The following BTRC variants were observed in gnomAD, a reference collection of about 807,000 sequenced individuals.
The protein encoded by BTRC is F-box/WD repeat-containing protein 1A.
A neutral mutation model predicts 85.5 loss-of-function variants in BTRC; 42 were observed. The ratio of observed to expected loss-of-function variants is 0.49; its 90% CI spans 0.38 to 0.64. The LOEUF is 0.64. Ranked by LOEUF, BTRC falls within the 30% of genes least tolerant of loss-of-function variation. BTRC has a pLI of 0.00. For missense variants in BTRC, 594 were observed against 743.5 expected, an observed-to-expected ratio of 0.80 and a Z score of 2.34; for synonymous variants, 255 against 263.3, an observed-to-expected ratio of 0.97 and a Z score of 0.30.
At chr10:101,400,766 G>A (rs1943474697) in intron 1 of BTRC, among the ~76,000 whole-genome samples, 1 of 152,110 alleles carries the variant, frequency 6.6e-6, no homozygotes, top group Non-Finnish European at 1.5e-5. Context: ...ATCCATCTAG[G>A]GGAAGAAAAG....
chr10:101,521,677 C>T lies in BTRC; in HGVS notation c.363C>T (p.Pro121=). Residue 121 remains proline, a synonymous_variant, in exon 5 of 15, where the codon CCC becomes CCT. Transcript: ENST00000370187. ...LANGTSSMIV[P]KQRKLSASYE... is the part of the protein sequence containing the mutation. ...ATGGCACTTCCAGTATGATTGTGCC[C>T]AAGCAACGGAAACTCTCAGCAAGCT... is the stretch of plus-strand genomic sequence containing the variant. 6.2e-7 allele frequency: 1 copy of T among 1,614,082 alleles called. No homozygotes were observed. Among genetic ancestry groups the T allele is most frequent in the Non-Finnish European group, 8.5e-7 (1 of 1,180,026 alleles).
intron 8 of BTRC, 118 bp from the exon 9 acceptor site, chr10:101,532,834 C>A: frequency 2.7e-6 from 2 of 730,898 alleles, no homozygotes; most frequent in Non-Finnish European, 2.3e-6. Flanking sequence ...ATAGAAAATG[C>A]ATTCCACACT....
At chr10:101,455,983 A>AACACACACAGACACACACACACACAC (rs1945067201) in intron 2 of BTRC, among the ~76,000 whole-genome samples, 1 of 96,000 alleles carries the variant, frequency 1.0e-5, no homozygotes, top group African/African-American at 4.6e-5. Context: ...CTCTACTAAA[A>AACACACACAGACACACACACACACAC]ACACACACAC....
At chr10:101,387,528 C>CTTTGTTTTTTTTTTTTTTTTTTTTTTTTT (rs1943110850) in intron 1 of BTRC, among the ~76,000 whole-genome samples, 1 of 45,122 alleles carries the variant, frequency 2.2e-5, no homozygotes, top group African/African-American at 1.5e-4. Flanking sequence ...CTTCATGGGA[C>CTTTGTTTTTTTTTTTTTTTTTTTTTTTTT]TTTTTTTTTT....
intron 2 of BTRC, among the ~76,000 whole-genome samples, chr10:101,436,323 G>A (rs973748758): frequency 6.6e-6 from 1 of 152,142 alleles, no homozygotes; most frequent in Non-Finnish European, 1.5e-5. Flanking sequence ...TATTGAAAGA[G>A]AAGAGAAATG....
At chr10:101,392,313 T>C (rs1943255518) in intron 1 of BTRC, among the ~76,000 whole-genome samples, 1 of 152,166 alleles carries the variant, frequency 6.6e-6, no homozygotes, top group African/African-American at 2.4e-5. Context: ...CTTAAGTTTT[T>C]TGCAATATGC....
intron 2 of BTRC, among the ~76,000 whole-genome samples, chr10:101,434,142 G>T (rs755601448): frequency 6.6e-6 from 1 of 152,124 alleles, no homozygotes; most frequent in Non-Finnish European, 1.5e-5. Context: ...GTCTGCTTCT[G>T]CACTCAATCT....
chr10:101,383,306 G>T (rs1324353255), intron 1 of BTRC, among the ~76,000 whole-genome samples: 1 of 151,166 alleles, frequency 6.6e-6, no homozygotes, highest in East Asian at 1.9e-4. Flanking sequence ...TGGGGTCTGA[G>T]AATTTGCATT....
chr10:101,521,072 A>G (rs2062097409), intron 4 of BTRC, among the ~76,000 whole-genome samples: 1 of 152,208 alleles, frequency 6.6e-6, no homozygotes, highest in Non-Finnish European at 1.5e-5. Flanking sequence ...GTTTGAGACC[A>G]GCCTGGGCAA....
chr10:101,534,888 C>G lies in BTRC; in HGVS notation c.1325C>G (p.Ala442Gly). 1.2e-6 allele frequency: 2 copies of G among 1,614,046 alleles called. No homozygotes were observed. The highest frequency in any genetic ancestry group is 1.7e-6 in the Non-Finnish European group (2 of 1,179,924). The change falls in exon 10 of 15, where the codon GCA (alanine) becomes GGA (glycine). Residue 442 changes from alanine (A) to glycine (G), a missense_variant. This residue lies in a region of BTRC where 373 missense variants were observed against 503.6 expected (regional missense o/e 0.74). Coordinates refer to ENST00000370187, the MANE Select transcript of BTRC (RefSeq NM_033637.4). ...VDFDDKYIVS[A>G]SGDRTIKVWN... ...TTTGATGACAAGTACATTGTTTCTGCATCTGGGGATAGAACTATAAAGGTA... is the reference window on the plus strand; with the variant it reads ...TTTGATGACAAGTACATTGTTTCTGGATCTGGGGATAGAACTATAAAGGTA...
chr10:101,544,316 A>G (rs1416857088), intron 13 of BTRC, among the ~76,000 whole-genome samples: 3 of 151,234 alleles, frequency 2.0e-5, no homozygotes, highest in African/African-American at 7.3e-5. Context: ...CATCTGATAC[A>G]TTTTCCTTTT....
chr10:101,393,401 C>T (rs1943286055), intron 1 of BTRC, among the ~76,000 whole-genome samples: 2 of 152,110 alleles, frequency 1.3e-5, no homozygotes. Context: ...GCTCCAGAGG[C>T]CCAGAGTTGT....
intron 1 of BTRC, among the ~76,000 whole-genome samples, chr10:101,427,683 C>G (rs1589453751): frequency 6.6e-6 from 1 of 151,836 alleles, no homozygotes; most frequent in Non-Finnish European, 1.5e-5. Context: ...CATGTGCCAC[C>G]ATGCCCAGCT....
rs2062186174 is a variant in BTRC at position 101,526,018 on chromosome 10, G to A, written c.562G>A (p.Gly188Arg). ...CCTCCTCCCCCTACTGAAAGCTCGG[G>A]GATTGGATCATATTGCTGAGAACAT... ...RDFITALPARGLDHIAENILS... is the reference protein window; with the variant it reads ...RDFITALPARRLDHIAENILS... The change falls in exon 6 of 15, where the codon GGA (glycine) becomes AGA (arginine). Residue 188 changes from glycine to arginine, a missense_variant. By Grantham distance (125) the Gly-to-Arg change is moderately radical (BLOSUM62 -2). Around this residue, in one of 4 missense-constraint regions of BTRC, gnomAD observed 373 missense variants for 503.6 expected, o/e 0.74. Coordinates refer to ENST00000370187, the MANE Select transcript of BTRC (RefSeq NM_033637.4). 1 of 1,613,182 alleles carries A rather than the reference G, an allele frequency of 6.2e-7. No individual in the cohort carries two copies. Among genetic ancestry groups the A allele is most frequent in the African/African-American group, 1.3e-5 (1 of 74,868 alleles).
rs1326847306 is a variant in BTRC, at chr10:101,532,777, TGTGTGTGTGTGTGCGC to T, written c.979-169_979-154del. Among the ~76,000 whole-genome samples the T allele has an allele frequency of 1.4e-3, 96 of 70,214 alleles. 1 individual carries two copies. The highest frequency in any genetic ancestry group is 9.4e-3 in the African/African-American group (91 of 9,714). The allele number at this position is 70,214 out of a possible 152,430, so 46.1% of individuals were successfully genotyped here. A position where few individuals can be genotyped will look rare whatever the true frequency, so the allele number is the denominator to read the frequency against. Reference sequence around the variant, plus strand: ...GTGTGTGTGTGTGTGTGTGTGTGTGTGTGTGTGTGTGTGCGCGTGTGCGCGCGCGCGCGCTTAGCTA... The same window carrying T: ...GTGTGTGTGTGTGTGTGTGTGTGTGTGTGTGCGCGCGCGCGCGCTTAGCTA... On this transcript the variant is annotated intron_variant, in intron 8 of 14. Transcript: ENST00000370187.
intron 1 of BTRC, among the ~76,000 whole-genome samples, chr10:101,396,231 A>G (rs903999813): frequency 3.3e-5 from 5 of 151,082 alleles, no homozygotes; most frequent in Non-Finnish European, 7.4e-5. Context: ...ATGGTGATCT[A>G]GTAGCCAGAA....
intron 9 of BTRC, 116 bp downstream of exon 9, chr10:101,533,186 C>A: frequency 1.6e-6 from 1 of 630,780 alleles, no homozygotes; most frequent in Non-Finnish European, 2.7e-6. Context: ...AAGAATAAAC[C>A]ACCAGGTCCC....
intron 1 of BTRC, among the ~76,000 whole-genome samples, chr10:101,372,621 T>G (rs1177889860): frequency 6.8e-6 from 1 of 146,134 alleles, no homozygotes; most frequent in Non-Finnish European, 1.5e-5. Flanking sequence ...TCCCAGCACT[T>G]TGGGAGGCCG....
At chr10:101,398,048 T>C (rs1032399201) in intron 1 of BTRC, among the ~76,000 whole-genome samples, 40 of 152,220 alleles carry the variant, frequency 2.6e-4, no homozygotes, top group South Asian at 8.3e-4. Context: ...CCGTGGTCTT[T>C]GTTCAGCAGC....
Sources: gnomAD v4.1 joint callset for allele counts (sites outside exome capture counted in the v4.1 genomes callset) on GRCh38, gnomAD v4.1.1 for gene constraint, gnomAD v4.1.1 regional missense constraint, MANE v1.5 for transcripts, NCBI Gene and HGNC (gene_info 2026-07-23, HGNC 2026-07-21) for gene names.